CACNA1B: variants seen among roughly 807,000 people sequenced by gnomAD.
CACNA1B encodes calcium voltage-gated channel subunit alpha1 B.
In CACNA1B, 70 loss-of-function variants were observed where a neutral mutation model predicts 247.2. That is an observed-to-expected ratio of 0.28 (90% confidence interval 0.23 to 0.35). The LOEUF is 0.35. Among genes scored for constraint, CACNA1B ranks in the 10% least tolerant of loss-of-function variants. The pLI, the probability that CACNA1B is intolerant of heterozygous loss-of-function variation, is 1.00. For synonymous variants in CACNA1B, 1,231 were observed against 1,294.4 expected, an observed-to-expected ratio of 0.95 and a Z score of 1.05; for missense variants, 2,367 against 3,197.4, an observed-to-expected ratio of 0.74 and a Z score of 6.26.
intron 20 of CACNA1B, among the ~76,000 whole-genome samples, chr9:138,033,073 G>T (rs943169729): frequency 1.2e-4 from 19 of 152,092 alleles, no homozygotes; most frequent in African/African-American, 4.6e-4. Flanking sequence ...ACTTTTTTAA[G>T]TCTACTTTCT....
rs183644088 is a variant in CACNA1B at position 137,973,486 on chromosome 9, G to A, written c.1543+1894G>A. Among the ~76,000 whole-genome samples the A allele has an allele frequency of 5.3e-5, 8 of 152,260 alleles. No individual in the cohort carries two copies. The highest frequency in any genetic ancestry group is 3.4e-3 in the Middle Eastern group (1 of 294). On this transcript the variant is annotated intron_variant, in intron 11 of 46. Coordinates refer to ENST00000371372, the MANE Select transcript of CACNA1B (RefSeq NM_000718.4). This position sits in a 1 kb window ranked among gnomAD's most constrained non-coding sequence, Gnocchi z 4.1. The stretch of plus-strand genomic sequence containing the variant: ...GCCAGAACCTTCAAAATTGAGGCTC[G>A]AGTGGTTAAGAGGGGCACTGTCAGG...
Position 138,057,770 on chromosome 9 carries a change from C to T in CACNA1B, c.4007C>T (p.Ala1336Val). ...GATTATGAGAAGGAGGAAGTGGAAGCTCAGCCCAGGCAGTGGAAGAAATAC... is the reference window on the plus strand; with the variant it reads ...GATTATGAGAAGGAGGAAGTGGAAGTTCAGCCCAGGCAGTGGAAGAAATAC... ...YLDYEKEEVEAQPRQWKKYDF... is the reference protein window; with the variant it reads ...YLDYEKEEVEVQPRQWKKYDF... Residue 1336 changes from alanine (A) to valine (V), a missense_variant, in exon 27 of 47, where the codon GCT (alanine) becomes GTT (valine). Physicochemically the swap from Ala to Val is moderately conservative, Grantham distance 64. Transcript: ENST00000371372. The surrounding 1 kb of genome is among the most constrained non-coding windows in gnomAD (Gnocchi z 4.0). The T allele has an allele frequency of 6.2e-7, 1 of 1,612,810 alleles. No homozygotes were observed. The highest frequency in any genetic ancestry group is 8.5e-7 in the Non-Finnish European group (1 of 1,179,246).
Position 138,122,038 on chromosome 9 carries a change from G to T in CACNA1B, c.*39G>T, listed in dbSNP as rs192155209. 2 of 1,527,662 alleles carry T rather than the reference G, an allele frequency of 1.3e-6. No homozygotes were observed. The highest frequency in any genetic ancestry group is 1.9e-5 in the Admixed American group (1 of 52,800). The allele number at this position is 1,527,662 out of a possible 1,614,324, so 94.6% of individuals were successfully genotyped here. On this transcript the variant is annotated 3_prime_UTR_variant, in exon 47 of 47. Coordinates refer to ENST00000371372, the MANE Select transcript of CACNA1B (RefSeq NM_000718.4). Reference sequence around the variant, plus strand: ...GCTCAGACGCCTGCATGCAGCAGGCGTGTGTTCCAGTGGATGAGTTTTATC... The same window carrying T: ...GCTCAGACGCCTGCATGCAGCAGGCTTGTGTTCCAGTGGATGAGTTTTATC...
At chr9:138,070,374 G>A (rs1327548977) in intron 32 of CACNA1B, among the ~76,000 whole-genome samples, 3 of 152,176 alleles carry the variant, frequency 2.0e-5, no homozygotes, top group African/African-American at 7.2e-5. Context: ...TAGAAGAAGG[G>A]GGCTCTGCCC....
chr9:138,096,698 C>A, intron 37 of CACNA1B, 87 bp downstream of exon 37: 1 of 1,350,792 alleles, frequency 7.4e-7, no homozygotes, highest in South Asian at 1.4e-5. Flanking sequence ...AGACATGTTT[C>A]AAGTGAGCAC....
Position 137,919,675 on chromosome 9 carries a change from T to C in CACNA1B, c.966+2244T>C, listed in dbSNP as rs1957455140. 6.6e-6 allele frequency among the ~76,000 whole-genome samples: 1 copy of C among 152,244 alleles called. No homozygotes were observed. Among genetic ancestry groups the C allele is most frequent in the Non-Finnish European group, 1.5e-5 (1 of 68,042 alleles). On this transcript the variant is annotated intron_variant, in intron 6 of 46. Transcript: ENST00000371372. The surrounding 1 kb of genome is among the most constrained non-coding windows in gnomAD (Gnocchi z 4.6). Reference sequence around the variant, plus strand: ...CCTTCAAGCAATGACATCTGGGTTCTTTGTGGGCGGAAGCCCACGGCCTGC... The same window carrying C: ...CCTTCAAGCAATGACATCTGGGTTCCTTGTGGGCGGAAGCCCACGGCCTGC...
intron 18 of CACNA1B, 76 bp downstream of exon 18, chr9:138,013,311 C>A: frequency 2.7e-6 from 3 of 1,125,952 alleles, no homozygotes; most frequent in Non-Finnish European, 3.8e-6. Context: ...CTCCCCAGGG[C>A]ACCCCTTCCA....
In CACNA1B at chr9:137,939,852, AAAAATAAAAT is replaced by A. The variant is rs1957712150; in HGVS notation, c.967-12421_967-12412del. On this transcript the variant is annotated intron_variant, in intron 6 of 46. Transcript: ENST00000371372. ...TAAATAAATAAATAAATAAATAAAA[AAAAATAAAAT>A]TCTTCGAACTGAATGACAGTAGTGA... is the stretch of plus-strand genomic sequence containing the variant. Among the ~76,000 whole-genome samples the A allele has an allele frequency of 8.9e-5, 6 of 67,474 alleles. No individual in the cohort carries two copies. In the African/African-American group the frequency reaches 1.0e-3, roughly 11 times the overall value. 44.3% of individuals were successfully genotyped at this position (67,474 alleles called of 152,430 possible). A position where few individuals can be genotyped will look rare whatever the true frequency, so the allele number is the denominator to read the frequency against.
intron 20 of CACNA1B, among the ~76,000 whole-genome samples, chr9:138,031,870 T>C (rs1005708318): frequency 1.3e-5 from 2 of 152,182 alleles, no homozygotes; most frequent in African/African-American, 2.4e-5. Context: ...TTTCAACCTT[T>C]TGCTTTCAAC....
chr9:138,050,658 AG>A lies in CACNA1B; in HGVS notation c.3710+1345del, dbSNP rs1309742127. Among the ~76,000 whole-genome samples, 1 of 152,184 alleles carries A rather than the reference AG, an allele frequency of 6.6e-6. No homozygotes were observed. The highest frequency in any genetic ancestry group is 1.5e-5 in the Non-Finnish European group (1 of 68,028). ...GGGCCCATCCAGGCGGCTTCAGAGC[AG>A]GAGAAAAGGAGCAGGCCCCAGATGG... is the stretch of plus-strand genomic sequence containing the variant. On this transcript the variant is annotated intron_variant, in intron 24 of 46. Coordinates refer to ENST00000371372, the MANE Select transcript of CACNA1B (RefSeq NM_000718.4). The surrounding 1 kb of genome is among the most constrained non-coding windows in gnomAD (Gnocchi z 5.2).
At chr9:138,006,954 C>T (rs1230502764) in intron 16 of CACNA1B, 70 bp downstream of exon 16, 28 of 786,448 alleles carry the variant, frequency 3.6e-5, no homozygotes, top group East Asian at 1.9e-4. Context: ...GGCCACCACG[C>T]GGATCCCTCC....
intron 19 of CACNA1B, among the ~76,000 whole-genome samples, chr9:138,024,395 A>G (rs1166812712): frequency 6.6e-6 from 1 of 152,204 alleles, no homozygotes; most frequent in Non-Finnish European, 1.5e-5. Context: ...CTGGCCACAA[A>G]CCAACCAGAA....
intron 5 of CACNA1B, among the ~76,000 whole-genome samples, chr9:137,916,527 T>C (rs1957412969): frequency 1.3e-5 from 2 of 152,192 alleles, no homozygotes; most frequent in African/African-American, 4.8e-5. Flanking sequence ...GTAGGGTCAG[T>C]GCAGCGAGAC....
intron 6 of CACNA1B, among the ~76,000 whole-genome samples, chr9:137,948,915 G>A (rs1168720912): frequency 6.7e-6 from 1 of 149,328 alleles, no homozygotes; most frequent in African/African-American, 2.5e-5. Flanking sequence ...GCGTGTGTTT[G>A]TGGTGTCTCT....
At chr9:138,003,606 A>C (rs1309544858) in intron 15 of CACNA1B, among the ~76,000 whole-genome samples, 1 of 152,162 alleles carries the variant, frequency 6.6e-6, no homozygotes, top group Non-Finnish European at 1.5e-5. Context: ...AGATATTTAC[A>C]ATAGATAATG....
intron 20 of CACNA1B, among the ~76,000 whole-genome samples, chr9:138,035,952 C>T (rs980122468): frequency 3.3e-5 from 5 of 152,162 alleles, no homozygotes; most frequent in Non-Finnish European, 5.9e-5. Context: ...TTGTTTGATT[C>T]ATGAGTTTTT....
At chr9:138,030,928 TTCTC>T (rs1958980503) in intron 20 of CACNA1B, among the ~76,000 whole-genome samples, 1 of 152,176 alleles carries the variant, frequency 6.6e-6, no homozygotes, top group South Asian at 2.1e-4. Flanking sequence ...ATTTGCTGTC[TTCTC>T]TCTTTTTTCT....
In CACNA1B at chr9:137,954,149, C is replaced by T. The variant is rs1957914434; in HGVS notation, c.1071-1549C>T. Among the ~76,000 whole-genome samples, 1 of 152,176 alleles carries T rather than the reference C, an allele frequency of 6.6e-6. No homozygotes were observed. Among genetic ancestry groups the T allele is most frequent in the Non-Finnish European group, 1.5e-5 (1 of 68,014 alleles). ...CTCCCATCAGCGCAGCTGAACCCTCCCTCAGGCCCACAGGCCCAGCAGAGG... is the reference window on the plus strand; with the variant it reads ...CTCCCATCAGCGCAGCTGAACCCTCTCTCAGGCCCACAGGCCCAGCAGAGG... On this transcript the variant is annotated intron_variant, in intron 7 of 46. Transcript: ENST00000371372. The surrounding 1 kb of genome is among the most constrained non-coding windows in gnomAD (Gnocchi z 4.1).
rs746404190 is a variant in CACNA1B at position 137,971,538 on chromosome 9, C to T, written c.1489C>T (p.Leu497=). 16 of 1,613,800 alleles carry T rather than the reference C, an allele frequency of 9.9e-6. No homozygotes were observed. The highest frequency in any genetic ancestry group is 1.4e-5 in the Non-Finnish European group (16 of 1,179,806). ...GCTGTGCGTGGTGGCCCTGAACACA[C>T]TGTGTGTGGCCATGGTGCATTACAA... is the stretch of plus-strand genomic sequence containing the variant. ...VVLCVVALNT[L]CVAMVHYNQP... is the part of the protein sequence containing the mutation. The change falls in exon 11 of 47, where the codon CTG becomes TTG. Residue 497 remains leucine (L), a synonymous_variant. Transcript: ENST00000371372. This position sits in a 1 kb window ranked among gnomAD's most constrained non-coding sequence, Gnocchi z 4.4.
Sources: allele counts gnomAD v4.1 joint callset (sites outside exome capture counted in the v4.1 genomes callset), GRCh38; gene constraint gnomAD v4.1.1; non-coding constraint Gnocchi (gnomAD v3.1); transcripts MANE v1.5; gene names NCBI Gene and HGNC (gene_info 2026-07-23, HGNC 2026-07-21).